The following EIF3D variants were observed in gnomAD, a reference collection of about 807,000 sequenced individuals.
EIF3D encodes the protein eIF3 p66.
EIF3D carries 10 observed loss-of-function variants against 75.4 expected under a neutral mutation model. That is an observed-to-expected ratio of 0.13 (90% confidence interval 0.08 to 0.22). EIF3D has a LOEUF of 0.22. Ranked by LOEUF, EIF3D falls within the 10% of genes least tolerant of loss-of-function variation. EIF3D has a pLI of 1.00. For synonymous variants in EIF3D, 246 were observed against 248.3 expected, an observed-to-expected ratio of 0.99 and a Z score of 0.09; for missense variants, 394 against 708.0, an observed-to-expected ratio of 0.56 and a Z score of 5.03.
At chr22:36,524,108 T>G in intron 4 of EIF3D, 128 bp from the exon 5 acceptor site, 1 of 935,828 alleles carries the variant, frequency 1.1e-6, no homozygotes, top group Non-Finnish European at 1.7e-6. Flanking sequence ...TACTCTGTGC[T>G]TTCACTCTAC....
chr22:36,525,984 C>A lies in EIF3D; in HGVS notation c.123+15G>T. 1 of 1,594,830 alleles carries A rather than the reference C, an allele frequency of 6.3e-7. No homozygotes were observed. Among genetic ancestry groups the A allele is most frequent in the Admixed American group, 1.8e-5 (1 of 55,988 alleles). ...ACAGCTGCAAAGATTCAGACTCCTG[C>A]TGACAGGCATGTACCTTTCCTAGCC... On this transcript the variant is annotated intron_variant, in intron 2 of 14. Transcript: ENST00000216190.
At position 36,524,678 on chromosome 22, in the gene EIF3D, T is replaced by C; in HGVS notation, c.224A>G (p.Glu75Gly). The change falls in exon 4 of 15, where the codon GAG becomes GGG. Residue 75 changes from glutamate (E) to glycine (G), a missense_variant. By Grantham distance (98) the Glu-to-Gly change is moderately conservative (BLOSUM62 -2). Transcript: ENST00000216190. ...CACCAGCTGGAAGCTACTTTCATCC[T>C]CCTCATGGAAATAAGCATATTGACT... The part of the protein sequence containing the change: ...GGSQYAYFHE[E>G]DESSFQLVDT... 1 of 1,614,162 alleles carries C rather than the reference T, an allele frequency of 6.2e-7. No individual in the cohort carries two copies. Among genetic ancestry groups the C allele is most frequent in the South Asian group, 1.1e-5 (1 of 91,082 alleles).
At chr22:36,513,107 C>T (rs1934368219) in intron 12 of EIF3D, among the ~76,000 whole-genome samples, 1 of 152,062 alleles carries the variant, frequency 6.6e-6, no homozygotes, top group Non-Finnish European at 1.5e-5. Flanking sequence ...CTGAGTCTGA[C>T]ATTTTACATA....
chr22:36,526,011 A>G lies in EIF3D; in HGVS notation c.111T>C (p.Asp37=), dbSNP rs759776739. 7 of 1,611,562 alleles carry G rather than the reference A, an allele frequency of 4.3e-6. No individual in the cohort carries two copies. In the South Asian group the frequency reaches 5.5e-5, roughly 13 times the overall value. ...DMPYQPFSKG[D]RLGKVADWTG... is the part of the protein sequence containing the mutation. ...GACAGGCATGTACCTTTCCTAGCCG[A>G]TCTCCTTTGCTGAACGGCTGGTAGG... The change falls in exon 2 of 15, where the codon GAT becomes GAC. Residue 37 remains aspartate (D), a synonymous_variant. Transcript: ENST00000216190.
Position 36,519,451 on chromosome 22 carries a change from C to A in EIF3D, c.665G>T (p.Arg222Leu), listed in dbSNP as rs867464440. ...RSEKPLRSIK[R>L]IFHTVTTTDD... ...TGTGGTGGTGACAGTGTGGAAGATG[C>A]GCTTGATGCTCCGCAGTGGCTTCTC... The change falls in exon 8 of 15, where the codon CGC (arginine) becomes CTC (leucine). Residue 222 changes from arginine (R) to leucine (L), a missense_variant. By Grantham distance (102) the Arg-to-Leu change is moderately radical. Transcript: ENST00000216190. The A allele has an allele frequency of 6.2e-7, 1 of 1,614,158 alleles. No individual in the cohort carries two copies. Among genetic ancestry groups the A allele is most frequent in the Non-Finnish European group, 8.5e-7 (1 of 1,180,042 alleles).
intron 5 of EIF3D, among the ~76,000 whole-genome samples, chr22:36,523,528 C>T (rs1372221528): frequency 1.3e-5 from 2 of 152,138 alleles, no homozygotes; most frequent in African/African-American, 4.8e-5. Flanking sequence ...ACTGATAGTT[C>T]CAATCTGGGG....
intron 12 of EIF3D, among the ~76,000 whole-genome samples, chr22:36,513,583 G>A (rs1370570492): frequency 3.9e-5 from 6 of 152,192 alleles, no homozygotes; most frequent in South Asian, 4.1e-4. Context: ...GATTACAGGC[G>A]TGAGCCACCG....
intron 3 of EIF3D, 129 bp from the exon 4 acceptor site, chr22:36,524,861 C>G (rs1483831623): frequency 1.8e-6 from 2 of 1,122,574 alleles, no homozygotes; most frequent in Non-Finnish European, 2.6e-6. Flanking sequence ...TTGTTAGACA[C>G]ACAGACTCAC....
At chr22:36,516,450 C>A in intron 12 of EIF3D, 28 bp downstream of exon 12, 2 of 1,610,036 alleles carry the variant, frequency 1.2e-6, no homozygotes, top group South Asian at 2.2e-5. Context: ...ATGGTGTCAC[C>A]AGGAGGGTGA....
intron 7 of EIF3D, 79 bp from the exon 8 acceptor site, chr22:36,519,616 G>C: frequency 6.3e-7 from 1 of 1,583,562 alleles, no homozygotes; most frequent in African/African-American, 1.4e-5. Context: ...ACATCCAGAA[G>C]TCTTATCCAA....
At chr22:36,511,171 G>T in intron 14 of EIF3D, 171 bp from the exon 15 acceptor site, 2 of 888,046 alleles carry the variant, frequency 2.3e-6, no homozygotes, top group Non-Finnish European at 3.3e-6. Flanking sequence ...GTCACCAGCT[G>T]GTGGAGCAGG....
rs1934430832 is a variant in EIF3D at position 36,516,599 on chromosome 22, C to G, written c.1085G>C (p.Arg362Thr). 1 of 1,613,990 alleles carries G rather than the reference C, an allele frequency of 6.2e-7. No homozygotes were observed. The change falls in exon 12 of 15, where the codon AGG (arginine) becomes ACG (threonine). Residue 362 changes from arginine to threonine, a missense_variant. By Grantham distance (71) the Arg-to-Thr change is moderately conservative. Transcript: ENST00000216190. ...GTCAATATCATCTCCAAGCTTCCAC[C>G]TGCGGTAACTGCAGCAAAAAAGAAA... ...EIASVAYRYR[R>T]WKLGDDIDLI... is the part of the protein sequence containing the mutation.
chr22:36,526,718 T>G (rs7289237), intron 1 of EIF3D: 18,845 of 152,036 alleles, frequency 0.12, 1,265 homozygotes, highest in Admixed American at 0.19. Context: ...CTCAGCCTCC[T>G]GAGTAGCTGG....
chr22:36,516,192 CA>C (rs1301598986), intron 12 of EIF3D: 1 of 301,282 alleles, frequency 3.3e-6, no homozygotes, highest in African/African-American at 2.2e-5. Context: ...CACAATGGAA[CA>C]GAGATGAAGA....
Position 36,512,580 on chromosome 22 carries a change from C to T in EIF3D, c.1229G>A (p.Arg410His), listed in dbSNP as rs777324385. The T allele has an allele frequency of 9.3e-6, 15 of 1,613,868 alleles. No individual in the cohort carries two copies. The highest frequency in any genetic ancestry group is 2.2e-5 in the South Asian group (2 of 91,066). Residue 410 changes from arginine (R) to histidine (H), a missense_variant, in exon 13 of 15, where the codon CGT becomes CAT. Arg to His is a conservative substitution (Grantham distance 29, BLOSUM62 0). Coordinates refer to ENST00000216190, the MANE Select transcript of EIF3D (RefSeq NM_003753.4). ...CCCTCGCTGAGAGTCCAGCTTCTGA[C>T]GCCAGTCAACGCCATTACAGTGCTG... is the stretch of plus-strand genomic sequence containing the variant. Reference protein sequence around the residue: ...DSRHCNGVDWRQKLDSQRGAV... With the variant: ...DSRHCNGVDWHQKLDSQRGAV...
At chr22:36,521,093 G>A (rs557424465) in intron 6 of EIF3D, among the ~76,000 whole-genome samples, 3 of 152,256 alleles carry the variant, frequency 2.0e-5, no homozygotes, top group African/African-American at 7.2e-5. Flanking sequence ...CCAGCTACTC[G>A]GGAGGCTGAG....
chr22:36,513,459 T>C lies in EIF3D; in HGVS notation c.1207-857A>G, dbSNP rs997472606. Among the ~76,000 whole-genome samples the C allele has an allele frequency of 3.9e-5, 6 of 152,204 alleles. No individual in the cohort carries two copies. The South Asian group carries it at 1.2e-3, about 32-fold the overall frequency. ...TTGGGATTACAGGTGCCCGCCACCA[T>C]GTCCAGCCAATTTTTGTATTTTTGG... On this transcript the variant is annotated intron_variant, in intron 12 of 14. Transcript: ENST00000216190.
intron 10 of EIF3D, 182 bp from the exon 11 acceptor site, chr22:36,516,972 T>C: frequency 3.1e-6 from 2 of 635,558 alleles, no homozygotes; most frequent in African/African-American, 1.8e-5. Flanking sequence ...TAGCACCTGA[T>C]GAATTAGAAC....
rs1269013339 is a variant in EIF3D, at chr22:36,525,666, G to A, written c.167C>T (p.Thr56Ile). 6.2e-6 allele frequency: 10 copies of A among 1,613,186 alleles called. No individual in the cohort carries two copies. In the Admixed American group the frequency reaches 1.5e-4, roughly 24 times the overall value. Residue 56 changes from threonine (T) to isoleucine (I), a missense_variant and splice_region_variant, in exon 3 of 15, where the codon ACA becomes ATA. By Grantham distance (89) the Thr-to-Ile change is moderately conservative (BLOSUM62 -1). Transcript: ENST00000216190. ...TGATYQDKRYTNKYSSQFGGG... is the reference protein window; with the variant it reads ...TGATYQDKRYINKYSSQFGGG... ...CATTCAGTTGCAGAAACACTTACTT[G>A]TGTACCTCTTATCTTGGTATGTGGC...
Sources: gnomAD v4.1 joint callset for allele counts (sites outside exome capture counted in the v4.1 genomes callset) on GRCh38, gnomAD v4.1.1 for gene constraint, MANE v1.5 for transcripts, NCBI Gene and HGNC (gene_info 2026-07-23, HGNC 2026-07-21) for gene names.